PPARG: variants seen among roughly 807,000 people sequenced by gnomAD.
PPARG encodes the protein peroxisome proliferator activated receptor gamma.
A neutral mutation model predicts 39.2 loss-of-function variants in PPARG; 17 were observed. That is an observed-to-expected ratio of 0.43 (90% CI 0.30 to 0.65). The LOEUF (loss-of-function observed/expected upper bound fraction) is 0.65. Ranked by LOEUF, PPARG falls within the 30% of genes least tolerant of loss-of-function variation. PPARG has a pLI of 0.13. For synonymous variants in PPARG, 223 were observed against 215.7 expected (o/e 1.03, Z -0.30); for missense variants, 406 against 585.9 (o/e 0.69, Z 3.17).
chr3:12,302,120 G>C (rs560342445), intron 1 of PPARG, among the ~76,000 whole-genome samples: 57 of 152,354 alleles, frequency 3.7e-4, no homozygotes, highest in African/African-American at 1.3e-3. Flanking sequence ...TTCAGAGAAG[G>C]CTAAGATCAG....
At chr3:12,295,648 G>A (rs752915993) in intron 1 of PPARG, among the ~76,000 whole-genome samples, 2 of 151,564 alleles carry the variant, frequency 1.3e-5, no homozygotes, top group Non-Finnish European at 2.9e-5. Flanking sequence ...CGAGTAGCTG[G>A]GATTACAGGC....
At chr3:12,427,089 C>T (rs766093954) in intron 7 of PPARG, among the ~76,000 whole-genome samples, 2 of 152,152 alleles carry the variant, frequency 1.3e-5, no homozygotes, top group Non-Finnish European at 2.9e-5. Context: ...CTGCACTAGA[C>T]CAAGCTCCGA....
chr3:12,413,322 C>T (rs955098435), intron 6 of PPARG, among the ~76,000 whole-genome samples: 1 of 152,178 alleles, frequency 6.6e-6, no homozygotes, highest in Non-Finnish European at 1.5e-5. Flanking sequence ...CAGGCCCACC[C>T]AGGGATCACT....
chr3:12,325,494 G>A lies in PPARG; in HGVS notation c.-9+13041G>A, dbSNP rs371609448. Among the ~76,000 whole-genome samples, 54 of 152,088 alleles carry A rather than the reference G, an allele frequency of 3.6e-4. 1 individual carries two copies. The South Asian group carries it at 0.01, about 29-fold the overall frequency. ...TGTGCACCTGTAGTCCCAGATACTC[G>A]GGAGGCTGAGGCAGGAGAATCGCTT... On this transcript the variant is annotated intron_variant, in intron 2 of 7. Transcript: ENST00000651735.
chr3:12,429,039 A>G (rs1381675392), intron 7 of PPARG, among the ~76,000 whole-genome samples: 2 of 152,344 alleles, frequency 1.3e-5, no homozygotes, highest in African/African-American at 4.8e-5. Flanking sequence ...GATGTAGAAT[A>G]TGCAACTTTT....
Position 12,361,995 on chromosome 3 carries a change from T to A in PPARG, c.-8-17709T>A, listed in dbSNP as rs539277192. 1.4e-4 allele frequency among the ~76,000 whole-genome samples: 21 copies of A among 152,356 alleles called. No individual in the cohort carries two copies. In the South Asian group the frequency reaches 1.4e-3, roughly 11 times the overall value. On this transcript the variant is annotated intron_variant, in intron 2 of 7. Transcript: ENST00000651735. ...TCACTTATTTATTCTTTAATTTTTT[T>A]AAATAGTATATTTGAGTTTTCATTA...
At chr3:12,337,424 A>G (rs66550663) in intron 2 of PPARG, among the ~76,000 whole-genome samples, 38,270 of 152,074 alleles carry the variant, frequency 0.25, 4,936 homozygotes, top group East Asian at 0.33. Context: ...GAGTATAGCA[A>G]TAATATTGTT....
chr3:12,293,029 T>C (rs1431935019), intron 1 of PPARG, among the ~76,000 whole-genome samples: 2 of 152,222 alleles, frequency 1.3e-5, no homozygotes, highest in East Asian at 3.8e-4. Context: ...GGGAGCCGTG[T>C]TATCTTCCAC....
chr3:12,348,170 T>C lies in PPARG; in HGVS notation c.-8-31534T>C, dbSNP rs184951389. Among the ~76,000 whole-genome samples, 692 of 152,330 alleles carry C rather than the reference T, an allele frequency of 4.5e-3. 9 individuals are homozygous for C. Among genetic ancestry groups the C allele is most frequent in the Non-Finnish European group, 5.0e-3 (338 of 68,020 alleles). The stretch of plus-strand genomic sequence containing the variant: ...CCAAAGTATTTAATATTCTATATTA[T>C]GGGAATATTTTATGTAAGTCATCCC... On this transcript the variant is annotated intron_variant, in intron 2 of 7. Coordinates refer to ENST00000651735, the MANE Select transcript of PPARG (RefSeq NM_138711.6).
rs138771411 is a variant in PPARG, at chr3:12,295,914, T to C, written c.-83+6780T>C. 4.7e-3 allele frequency among the ~76,000 whole-genome samples: 719 copies of C among 152,258 alleles called. 2 individuals are homozygous for C. The highest frequency in any genetic ancestry group is 6.6e-3 in the Non-Finnish European group (452 of 68,006). On this transcript the variant is annotated intron_variant, in intron 1 of 7. Coordinates refer to ENST00000651735, the MANE Select transcript of PPARG (RefSeq NM_138711.6). ...GAAGGCAGGTACTGACTGAATTCTA[T>C]TCCAGCATATAGCACAATTCTTAGT...
At chr3:12,326,391 G>C (rs182718526) in intron 2 of PPARG, among the ~76,000 whole-genome samples, 1 of 151,964 alleles carries the variant, frequency 6.6e-6, no homozygotes, top group East Asian at 1.9e-4. Context: ...ACTTCATACA[G>C]TGGAAAAGTT....
At chr3:12,336,331 T>C (rs549263707) in intron 2 of PPARG, among the ~76,000 whole-genome samples, 2 of 152,302 alleles carry the variant, frequency 1.3e-5, no homozygotes, top group African/African-American at 4.8e-5. Flanking sequence ...TTGTGGTATC[T>C]TTTATGCAAC....
intron 1 of PPARG, among the ~76,000 whole-genome samples, chr3:12,306,430 A>G (rs1378798122): frequency 6.6e-6 from 1 of 151,940 alleles, no homozygotes; most frequent in Non-Finnish European, 1.5e-5. Context: ...TCAGATGAAG[A>G]AACAGGAACA....
intron 4 of PPARG, 126 bp from the exon 5 acceptor site, chr3:12,392,488 C>A: frequency 9.6e-7 from 1 of 1,036,618 alleles, no homozygotes; most frequent in Non-Finnish European, 1.5e-6. Flanking sequence ...TCTAAAGTCA[C>A]CAGTGACAGA....
chr3:12,325,310 A>T (rs2125032200), intron 2 of PPARG, among the ~76,000 whole-genome samples: 1 of 152,210 alleles, frequency 6.6e-6, no homozygotes, highest in East Asian at 1.9e-4. Flanking sequence ...AATCCTAGCT[A>T]CTTGGGAGGC....
At position 12,396,130 on chromosome 3, in the gene PPARG, A is replaced by T. The variant is rs559166163; in HGVS notation, c.529+3378A>T. On this transcript the variant is annotated intron_variant, in intron 5 of 7. Coordinates refer to ENST00000651735, the MANE Select transcript of PPARG (RefSeq NM_138711.6). ...TATGTCTTCTTTATTTTTTATTATT[A>T]TTTTTTTTTGAGATGGAGTCTCGCT... Among the ~76,000 whole-genome samples the T allele has an allele frequency of 4.6e-5, 7 of 151,046 alleles. No homozygotes were observed. The East Asian group carries it at 5.8e-4, about 13-fold the overall frequency.
At chr3:12,362,132 G>A (rs1385118329) in intron 2 of PPARG, among the ~76,000 whole-genome samples, 1 of 152,098 alleles carries the variant, frequency 6.6e-6, no homozygotes, top group Non-Finnish European at 1.5e-5. Flanking sequence ...CTGGCTTATA[G>A]AAATATAATT....
chr3:12,288,394 C>T (rs564063706), upstream of PPARG, among the ~76,000 whole-genome samples: 1 of 151,654 alleles, frequency 6.6e-6, no homozygotes, highest in Non-Finnish European at 1.5e-5. Context: ...TGGACGCGAG[C>T]CGGTGCGTCC....
At chr3:12,314,871 G>C (rs181101207) in intron 2 of PPARG, among the ~76,000 whole-genome samples, 1 of 152,148 alleles carries the variant, frequency 6.6e-6, no homozygotes, top group Admixed American at 6.5e-5. Context: ...ATGTGGTACA[G>C]TGTGACATTT....
Sources: gnomAD v4.1 joint callset for allele counts (sites outside exome capture counted in the v4.1 genomes callset) on GRCh38, gnomAD v4.1.1 for gene constraint, MANE v1.5 for transcripts, NCBI Gene and HGNC (gene_info 2026-07-23, HGNC 2026-07-21) for gene names.